The following SLC35F3 variants were observed in gnomAD, a reference collection of about 807,000 sequenced individuals.
The protein encoded by SLC35F3 is putative thiamine transporter SLC35F3.
Under a neutral mutation model 49.9 loss-of-function variants are expected in SLC35F3, and 25 were observed. That is an observed-to-expected ratio of 0.50 (90% CI 0.37 to 0.70). The LOEUF is 0.70. SLC35F3 is among the 30% of genes least tolerant of loss of function. The probability of loss-of-function intolerance (pLI) is 0.00; values close to 1 mark genes in which losing one functional copy is unlikely to be tolerated. For missense variants in SLC35F3, 525 were observed against 639.8 expected (o/e 0.82, Z 1.94); for synonymous variants, 275 against 265.4 (o/e 1.04, Z -0.35).
intron 2 of SLC35F3, among the ~76,000 whole-genome samples, chr1:234,031,606 G>A (rs760416803): frequency 2.0e-5 from 3 of 152,092 alleles, no homozygotes; most frequent in South Asian, 4.2e-4. Context: ...GTGCAGTGGC[G>A]TGATCATAGC....
At chr1:233,910,299 G>A (rs1661853724) in intron 2 of SLC35F3, among the ~76,000 whole-genome samples, 1 of 152,232 alleles carries the variant, frequency 6.6e-6, no homozygotes, top group African/African-American at 2.4e-5. Context: ...GGAAAAATCT[G>A]TATAGTAGAC....
At chr1:234,157,090 C>CT (rs1354404514) in intron 2 of SLC35F3, among the ~76,000 whole-genome samples, 1 of 152,108 alleles carries the variant, frequency 6.6e-6, no homozygotes, top group Non-Finnish European at 1.5e-5. Flanking sequence ...GAAGTGTGCA[C>CT]TTTAAGTGGA....
chr1:233,974,692 G>A (rs961808400), intron 2 of SLC35F3, among the ~76,000 whole-genome samples: 7 of 152,130 alleles, frequency 4.6e-5, no homozygotes, highest in Admixed American at 3.9e-4. Context: ...GTGGCTCCAT[G>A]CTCTCCACAA....
intron 2 of SLC35F3, among the ~76,000 whole-genome samples, chr1:234,053,539 G>A (rs901205153): frequency 1.3e-5 from 2 of 152,092 alleles, no homozygotes; most frequent in Non-Finnish European, 2.9e-5. Flanking sequence ...GTGTGTCTCT[G>A]CATGTGAGAT....
chr1:234,211,117 G>A (rs1667040756), intron 2 of SLC35F3, among the ~76,000 whole-genome samples: 2 of 152,256 alleles, frequency 1.3e-5, no homozygotes, highest in African/African-American at 4.8e-5. Flanking sequence ...TTTCCATGTG[G>A]TGTTGAGCCT....
intron 3 of SLC35F3, among the ~76,000 whole-genome samples, chr1:234,301,327 G>A (rs1668688780): frequency 6.6e-6 from 1 of 152,084 alleles, no homozygotes; most frequent in Non-Finnish European, 1.5e-5. Context: ...AATTTACAAA[G>A]AACTTAAACA....
chr1:234,045,758 T>C (rs563048089), intron 2 of SLC35F3, among the ~76,000 whole-genome samples: 2 of 152,192 alleles, frequency 1.3e-5, no homozygotes, highest in South Asian at 4.2e-4. Flanking sequence ...AATTGTGACC[T>C]TCTTCATCCT....
intron 3 of SLC35F3, among the ~76,000 whole-genome samples, chr1:234,287,571 G>A (rs1452332938): frequency 1.3e-5 from 2 of 152,116 alleles, no homozygotes; most frequent in Admixed American, 1.3e-4. Context: ...CTAACACAAA[G>A]CAGTTCATTT....
At chr1:234,038,807 A>G (rs1664180757) in intron 2 of SLC35F3, among the ~76,000 whole-genome samples, 1 of 152,180 alleles carries the variant, frequency 6.6e-6, no homozygotes, top group Admixed American at 6.5e-5. Flanking sequence ...AGAGATGGTG[A>G]GGAGTGGTTA....
At chr1:234,090,823 C>T (rs1333303143) in intron 2 of SLC35F3, among the ~76,000 whole-genome samples, 2 of 152,144 alleles carry the variant, frequency 1.3e-5, no homozygotes, top group East Asian at 1.9e-4. Flanking sequence ...AAGTCAATGA[C>T]CCACAGCCAG....
At chr1:234,092,126 C>T (rs1416485785) in intron 2 of SLC35F3, among the ~76,000 whole-genome samples, 1 of 152,204 alleles carries the variant, frequency 6.6e-6, no homozygotes. Context: ...ACTGTGAGCT[C>T]AGAAGACACA....
At chr1:233,929,144 G>C (rs922874020) in intron 2 of SLC35F3, among the ~76,000 whole-genome samples, 1 of 152,082 alleles carries the variant, frequency 6.6e-6, no homozygotes, top group Non-Finnish European at 1.5e-5. Flanking sequence ...GAGGAGTAAA[G>C]ATTTGGCCCA....
intron 2 of SLC35F3, among the ~76,000 whole-genome samples, chr1:233,930,605 A>G (rs1469964392): frequency 6.6e-6 from 1 of 152,174 alleles, no homozygotes; most frequent in African/African-American, 2.4e-5. Context: ...GTAAAAAACT[A>G]CATGTGATGT....
chr1:234,314,113 A>G (rs1657425898), intron 4 of SLC35F3, among the ~76,000 whole-genome samples: 1 of 152,042 alleles, frequency 6.6e-6, no homozygotes, highest in Admixed American at 6.5e-5. Flanking sequence ...TGTGGGCGGG[A>G]CCCCCAGGAG....
chr1:234,132,629 G>T (rs772600169), intron 2 of SLC35F3, among the ~76,000 whole-genome samples: 34 of 152,184 alleles, frequency 2.2e-4, no homozygotes, highest in South Asian at 4.2e-4. Context: ...CATATTTTTG[G>T]ACCATATTTT....
At chr1:234,260,356 A>G (rs1162718771) in intron 3 of SLC35F3, among the ~76,000 whole-genome samples, 1 of 152,234 alleles carries the variant, frequency 6.6e-6, no homozygotes, top group Non-Finnish European at 1.5e-5. Flanking sequence ...ACTTAAAAAA[A>G]AGAGAAAAAA....
Position 234,151,505 on chromosome 1 carries a change from A to G in SLC35F3, c.284-79912A>G, listed in dbSNP as rs549312308. ...AACAAAACTGAAACCTGGCATTTCA[A>G]AATGGTAGAAAATTATATAAGATGT... On this transcript the variant is annotated intron_variant, in intron 2 of 7. Coordinates refer to ENST00000366618, the MANE Select transcript of SLC35F3 (RefSeq NM_173508.4). 3.8e-4 allele frequency among the ~76,000 whole-genome samples: 58 copies of G among 152,096 alleles called. 1 individual carries two copies. In the South Asian group the frequency reaches 9.1e-3, roughly 24 times the overall value.
At chr1:234,057,692 G>A (rs1354802027) in intron 2 of SLC35F3, among the ~76,000 whole-genome samples, 1 of 151,896 alleles carries the variant, frequency 6.6e-6, no homozygotes, top group Non-Finnish European at 1.5e-5. Flanking sequence ...TGAAACTGAT[G>A]AGAGCAGATA....
intron 2 of SLC35F3, among the ~76,000 whole-genome samples, chr1:233,970,112 G>A (rs576551107): frequency 1.3e-5 from 2 of 152,316 alleles, no homozygotes; most frequent in South Asian, 2.1e-4. Context: ...AGGAGATGAT[G>A]GGCAAGCACT....
Sources: gnomAD v4.1 joint callset for allele counts (sites outside exome capture counted in the v4.1 genomes callset) on GRCh38, gnomAD v4.1.1 for gene constraint, MANE v1.5 for transcripts, NCBI Gene and HGNC (gene_info 2026-07-23, HGNC 2026-07-21) for gene names.